WDFY4: variants seen among roughly 807,000 people sequenced by gnomAD.
The protein encoded by WDFY4 is WD repeat- and FYVE domain-containing protein 4.
WDFY4 carries 169 observed loss-of-function variants against 351.9 expected under a neutral mutation model. The ratio of observed to expected loss-of-function variants is 0.48; its 90% CI spans 0.42 to 0.55. WDFY4 has a LOEUF of 0.55. Among genes scored for constraint, WDFY4 ranks in the 20% least tolerant of loss-of-function variants. The pLI is 0.00. For synonymous variants in WDFY4, 1,622 were observed against 1,574.6 expected (o/e 1.03, Z -0.71); for missense variants, 3,803 against 3,935.6 (o/e 0.97, Z 0.90).
At chr10:48,969,273 G>A (rs762587550) in intron 56 of WDFY4, 25 bp downstream of exon 56, 81 of 1,549,018 alleles carry the variant, frequency 5.2e-5, no homozygotes, top group South Asian at 7.1e-5. Flanking sequence ...GGGAGCAGGG[G>A]CAGCCTCAGG....
In WDFY4 at chr10:48,901,868, T is replaced by A; in HGVS notation, c.7586+5T>A. The A allele has an allele frequency of 6.4e-7, 1 of 1,551,424 alleles. No individual in the cohort carries two copies. The highest frequency in any genetic ancestry group is 1.2e-5 in the South Asian group (1 of 84,058). ...GGAGGACACCCTCAGTCTAAGGTAATGGCGGGTAGCCATGCTGTCTGGGCA... is the reference window on the plus strand; with the variant it reads ...GGAGGACACCCTCAGTCTAAGGTAAAGGCGGGTAGCCATGCTGTCTGGGCA... On this transcript the variant is annotated splice_donor_5th_base_variant and intron_variant, in intron 47 of 61. Transcript: ENST00000325239.
At chr10:48,772,054 C>T (rs1425002636) in intron 13 of WDFY4, among the ~76,000 whole-genome samples, 1 of 152,126 alleles carries the variant, frequency 6.6e-6, no homozygotes, top group Non-Finnish European at 1.5e-5. Flanking sequence ...CTACAAACTG[C>T]GGCAAAGGTA....
At chr10:48,801,867 T>A (rs1385922106) in intron 24 of WDFY4, among the ~76,000 whole-genome samples, 1 of 152,156 alleles carries the variant, frequency 6.6e-6, no homozygotes, top group East Asian at 1.9e-4. Flanking sequence ...GTAAGCAAAG[T>A]CATGGGTAAC....
In WDFY4 at chr10:48,789,863, C is replaced by G; in HGVS notation, c.3955-11C>G. The G allele has an allele frequency of 1.9e-6, 3 of 1,552,190 alleles. No individual in the cohort carries two copies. The highest frequency in any genetic ancestry group is 2.6e-6 in the Non-Finnish European group (3 of 1,146,944). On this transcript the variant is annotated splice_polypyrimidine_tract_variant and intron_variant, in intron 21 of 61. Transcript: ENST00000325239. ...GACTTTCTTAGGACTAATTGCTGCT[C>G]ATTTCTCTAGATGAACATTTCATCC...
chr10:48,884,975 G>T (rs776991509), intron 43 of WDFY4, among the ~76,000 whole-genome samples: 1 of 152,164 alleles, frequency 6.6e-6, no homozygotes, highest in African/African-American at 2.4e-5. Context: ...AGGGAGTGGG[G>T]CATATGCTAA....
intron 39 of WDFY4, among the ~76,000 whole-genome samples, chr10:48,860,841 T>A (rs1178879251): frequency 6.6e-6 from 1 of 152,222 alleles, no homozygotes; most frequent in Admixed American, 6.5e-5. Flanking sequence ...GTTATCCTTT[T>A]GTTACTAATT....
At chr10:48,768,311 C>T (rs2065738352) in intron 13 of WDFY4, among the ~76,000 whole-genome samples, 1 of 152,118 alleles carries the variant, frequency 6.6e-6, no homozygotes, top group African/African-American at 2.4e-5. Flanking sequence ...TTTGCCTTGC[C>T]CATGCGCTGG....
intron 40 of WDFY4, among the ~76,000 whole-genome samples, chr10:48,870,004 G>C (rs147403671): frequency 2.6e-5 from 4 of 152,242 alleles, no homozygotes; most frequent in Non-Finnish European, 5.9e-5. Context: ...GCTGGATCAA[G>C]TTCCGTGCTC....
chr10:48,882,910 A>G (rs2070309421), intron 43 of WDFY4, among the ~76,000 whole-genome samples: 1 of 152,242 alleles, frequency 6.6e-6, no homozygotes, highest in Non-Finnish European at 1.5e-5. Context: ...CATTGCAAAG[A>G]TGGCAAAAAC....
intron 47 of WDFY4, among the ~76,000 whole-genome samples, chr10:48,918,248 T>A (rs1462522922): frequency 6.6e-6 from 1 of 152,072 alleles, no homozygotes. Context: ...TTACATTAAG[T>A]GAAAGTGACC....
At chr10:48,955,466 G>A (rs1368295384) in intron 51 of WDFY4, among the ~76,000 whole-genome samples, 1 of 152,216 alleles carries the variant, frequency 6.6e-6, no homozygotes, top group Non-Finnish European at 1.5e-5. Context: ...AGAAAGAGCT[G>A]AGTTCCCCCT....
intron 24 of WDFY4, among the ~76,000 whole-genome samples, chr10:48,797,571 A>C (rs1395738966): frequency 2.0e-5 from 3 of 151,228 alleles, no homozygotes; most frequent in African/African-American, 7.4e-5. Context: ...CTTTGCTCAC[A>C]TACCAAAAAC....
At chr10:48,715,989 T>G (rs1363387487) in intron 2 of WDFY4, among the ~76,000 whole-genome samples, 1 of 151,620 alleles carries the variant, frequency 6.6e-6, no homozygotes, top group Non-Finnish European at 1.5e-5. Context: ...GAGGGGACAG[T>G]AAGGGTAAGC....
chr10:48,800,343 C>T (rs576972314), intron 24 of WDFY4, among the ~76,000 whole-genome samples: 3 of 152,192 alleles, frequency 2.0e-5, no homozygotes, highest in Admixed American at 1.3e-4. Flanking sequence ...ACAGGAGAAA[C>T]GGTGGGATCC....
intron 37 of WDFY4, among the ~76,000 whole-genome samples, chr10:48,830,123 G>A (rs968866767): frequency 2.6e-5 from 4 of 152,166 alleles, no homozygotes; most frequent in African/African-American, 9.7e-5. Flanking sequence ...CAGATGTGGG[G>A]CACAGCAGAC....
intron 47 of WDFY4, among the ~76,000 whole-genome samples, chr10:48,911,674 T>C (rs1173947346): frequency 2.0e-5 from 3 of 152,304 alleles, no homozygotes; most frequent in South Asian, 2.1e-4. Flanking sequence ...TGTATAAAAA[T>C]ATATACAGAA....
At chr10:48,787,858 T>C (rs1249316368) in intron 20 of WDFY4, among the ~76,000 whole-genome samples, 2 of 66,062 alleles carry the variant, frequency 3.0e-5, no homozygotes, top group African/African-American at 2.0e-4. Context: ...CTTCTTCTTC[T>C]TTCTTCTTCT....
At chr10:48,970,353 C>A (rs1029509474) in intron 57 of WDFY4, 64 bp downstream of exon 57, 1 of 1,518,396 alleles carries the variant, frequency 6.6e-7, no homozygotes, top group Admixed American at 2.0e-5. Context: ...AGGGACAAAA[C>A]CTCTGCCTGG....
chr10:48,917,003 A>T (rs1421595649), intron 47 of WDFY4, among the ~76,000 whole-genome samples: 1 of 151,810 alleles, frequency 6.6e-6, no homozygotes, highest in African/African-American at 2.4e-5. Context: ...ATTTTACTTT[A>T]CCTCTTCCAG....
Sources: gnomAD v4.1 joint callset for allele counts (sites outside exome capture counted in the v4.1 genomes callset) on GRCh38, gnomAD v4.1.1 for gene constraint, MANE v1.5 for transcripts, NCBI Gene and HGNC (gene_info 2026-07-23, HGNC 2026-07-21) for gene names.